The following MAGI2 variants were observed in gnomAD, a reference collection of about 807,000 sequenced individuals.
MAGI2 encodes membrane-associated guanylate kinase, WW and PDZ domain-containing protein 2.
MAGI2 carries 35 observed loss-of-function variants against 133.3 expected under a neutral mutation model. The ratio of observed to expected loss-of-function variants is 0.26; its 90% CI spans 0.20 to 0.35. The LOEUF is 0.35. Ranked by LOEUF, MAGI2 falls within the 10% of genes least tolerant of loss-of-function variation. The pLI, the probability that MAGI2 is intolerant of heterozygous loss-of-function variation, is 1.00. For missense variants in MAGI2, 1,636 were observed against 1,863.4 expected, an observed-to-expected ratio of 0.88 and a Z score of 2.25; for synonymous variants, 729 against 710.6, an observed-to-expected ratio of 1.03 and a Z score of -0.41.
intron 13 of MAGI2, among the ~76,000 whole-genome samples, chr7:78,180,203 G>A (rs1380069638): frequency 1.3e-5 from 2 of 152,178 alleles, no homozygotes; most frequent in African/African-American, 4.8e-5. Context: ...TGTTTAACTA[G>A]AACTTTTCAT....
intron 2 of MAGI2, among the ~76,000 whole-genome samples, chr7:78,784,963 A>C (rs1220478277): frequency 1.3e-5 from 2 of 152,208 alleles, no homozygotes; most frequent in Non-Finnish European, 2.9e-5. Context: ...ATCATTCTAA[A>C]GGTTCTTGTT....
intron 9 of MAGI2, among the ~76,000 whole-genome samples, chr7:78,265,192 G>A (rs867233740): frequency 3.8e-4 from 58 of 152,176 alleles, no homozygotes; most frequent in African/African-American, 1.3e-3. Context: ...GCATTGAGTG[G>A]TAAGATATAT....
chr7:79,240,712 A>G (rs927581841), intron 1 of MAGI2, among the ~76,000 whole-genome samples: 5 of 152,198 alleles, frequency 3.3e-5, no homozygotes, highest in African/African-American at 1.2e-4. Flanking sequence ...AGCTTTGCAT[A>G]TACTTGAAGG....
intron 9 of MAGI2, among the ~76,000 whole-genome samples, chr7:78,303,325 G>A (rs994614363): frequency 7.5e-6 from 1 of 133,896 alleles, no homozygotes; most frequent in Non-Finnish European, 1.5e-5. Flanking sequence ...GTTGCAGTGA[G>A]CCAAGATTGC....
chr7:79,027,615 A>G (rs944792334), intron 1 of MAGI2, among the ~76,000 whole-genome samples: 5 of 152,156 alleles, frequency 3.3e-5, no homozygotes, highest in African/African-American at 1.2e-4. Context: ...ACTGCACGAT[A>G]TGGTGAATGT....
chr7:78,028,037 T>C (rs970377235), intron 21 of MAGI2, among the ~76,000 whole-genome samples: 1 of 152,250 alleles, frequency 6.6e-6, no homozygotes, highest in Non-Finnish European at 1.5e-5. Flanking sequence ...GTGAAGTCAT[T>C]TGGCATTCAA....
chr7:78,053,075 G>A (rs544162082), intron 21 of MAGI2, among the ~76,000 whole-genome samples: 2 of 152,218 alleles, frequency 1.3e-5, no homozygotes, highest in South Asian at 2.1e-4. Flanking sequence ...TTTTTAAAAA[G>A]AGAATTATTT....
intron 1 of MAGI2, among the ~76,000 whole-genome samples, chr7:79,143,793 A>T: frequency 6.6e-6 from 1 of 152,308 alleles, no homozygotes. Context: ...ATGATATTTA[A>T]ATATCCCTTA....
chr7:78,578,468 A>C lies in MAGI2; in HGVS notation c.538+48652T>G, dbSNP rs200491480. 2.6e-5 allele frequency among the ~76,000 whole-genome samples: 4 copies of C among 152,296 alleles called. No individual in the cohort carries two copies. The East Asian group carries it at 7.7e-4, about 29-fold the overall frequency. On this transcript the variant is annotated intron_variant, in intron 3 of 21. Transcript: ENST00000354212. ...AAACATAGAAAAGAGAATAAATGGAAAAAACATAGAAGTAAAAATAAGAAA... is the reference window on the plus strand; with the variant it reads ...AAACATAGAAAAGAGAATAAATGGACAAAACATAGAAGTAAAAATAAGAAA...
intron 2 of MAGI2, among the ~76,000 whole-genome samples, chr7:78,698,132 A>G (rs1300017412): frequency 6.6e-6 from 1 of 152,230 alleles, no homozygotes; most frequent in African/African-American, 2.4e-5. Flanking sequence ...GCTTTCCACT[A>G]CAGTGAAGTT....
intron 1 of MAGI2, among the ~76,000 whole-genome samples, chr7:79,373,791 C>T (rs545358408): frequency 5.3e-5 from 8 of 151,906 alleles, no homozygotes; most frequent in Middle Eastern, 3.2e-3. Flanking sequence ...GTAAGATTGG[C>T]GGTCAGATGA....
chr7:78,640,434 TAA>T (rs1171100081), intron 2 of MAGI2, among the ~76,000 whole-genome samples: 1 of 152,166 alleles, frequency 6.6e-6, no homozygotes, highest in Non-Finnish European at 1.5e-5. Flanking sequence ...AAGGAAATTT[TAA>T]AAGAGAGCTA....
chr7:78,727,198 T>G (rs1820904802), intron 2 of MAGI2, among the ~76,000 whole-genome samples: 1 of 152,162 alleles, frequency 6.6e-6, no homozygotes, highest in South Asian at 2.1e-4. Context: ...ATGGAAGGAA[T>G]AGCAGAGACA....
intron 11 of MAGI2, among the ~76,000 whole-genome samples, chr7:78,200,225 A>G (rs1829110600): frequency 2.0e-5 from 3 of 152,282 alleles, no homozygotes; most frequent in Middle Eastern, 3.4e-3. Context: ...TGGGTTTCAC[A>G]TATCCCAGTT....
In MAGI2 at chr7:78,626,020, C is replaced by G. The variant is rs192890498; in HGVS notation, c.538+1100G>C. Among the ~76,000 whole-genome samples, 400 of 152,162 alleles carry G rather than the reference C, an allele frequency of 2.6e-3. 6 individuals carry two copies. The highest frequency in any genetic ancestry group is 0.013 in the Admixed American group (191 of 15,264). On this transcript the variant is annotated intron_variant, in intron 3 of 21. Transcript: ENST00000354212. The stretch of plus-strand genomic sequence containing the variant: ...CATTAAGAGACACATGACTATAAAT[C>G]AAGGAGAAAGTAGAGGGCCCAACTG...
chr7:78,101,335 T>C (rs879888389), intron 20 of MAGI2, among the ~76,000 whole-genome samples: 15 of 152,264 alleles, frequency 9.9e-5, no homozygotes, highest in South Asian at 2.1e-4. Context: ...ACAATGTTAC[T>C]GAAATAAAAA....
At chr7:79,406,084 T>C (rs1845787978) in intron 1 of MAGI2, among the ~76,000 whole-genome samples, 1 of 152,126 alleles carries the variant, frequency 6.6e-6, no homozygotes, top group Non-Finnish European at 1.5e-5. Context: ...ACAAAGTTAA[T>C]AACCTCAAAG....
In MAGI2 at chr7:78,323,299, C is replaced by G. The variant is rs1179693857; in HGVS notation, c.1408+20479G>C. On this transcript the variant is annotated intron_variant, in intron 9 of 21. Coordinates refer to ENST00000354212, the MANE Select transcript of MAGI2 (RefSeq NM_012301.4). ...TAATTTTCCTCATAAAACCGAGGAC[C>G]TCATTCCTTCAGCATCTCAGCAATG... 1.3e-5 allele frequency among the ~76,000 whole-genome samples: 2 copies of G among 152,248 alleles called. 1 individual carries two copies. Among genetic ancestry groups the G allele is most frequent in the South Asian group, 4.2e-4 (2 of 4,818 alleles).
intron 15 of MAGI2, among the ~76,000 whole-genome samples, chr7:78,166,374 C>T (rs758325018): frequency 7.9e-5 from 12 of 152,148 alleles, no homozygotes; most frequent in African/African-American, 1.4e-4. Flanking sequence ...AATTACTCTG[C>T]GGGGAGAGAG....
Sources: gnomAD v4.1 joint callset for allele counts (sites outside exome capture counted in the v4.1 genomes callset) on GRCh38, gnomAD v4.1.1 for gene constraint, MANE v1.5 for transcripts, NCBI Gene and HGNC (gene_info 2026-07-23, HGNC 2026-07-21) for gene names.